Variants in ETV6 observed in about 807,000 individuals in gnomAD.
The protein encoded by ETV6 is transcription factor ETV6.
Under a neutral mutation model 51.1 loss-of-function variants are expected in ETV6, and 16 were observed. The observed-to-expected ratio is 0.31, with a 90% confidence interval of 0.21 to 0.48. The LOEUF (loss-of-function observed/expected upper bound fraction) is 0.48. Ranked by LOEUF, ETV6 falls within the 20% of genes least tolerant of loss-of-function variation. The pLI is 0.99. For synonymous variants in ETV6, 240 were observed against 224.1 expected, an observed-to-expected ratio of 1.07 and a Z score of -0.64; for missense variants, 458 against 594.8, an observed-to-expected ratio of 0.77 and a Z score of 2.39.
chr12:11,700,022 G>C (rs190139555), intron 1 of ETV6, among the ~76,000 whole-genome samples: 1 of 152,104 alleles, frequency 6.6e-6, no homozygotes, highest in Non-Finnish European at 1.5e-5. Context: ...GTAGTTATTT[G>C]TGTATCTGTG....
intron 1 of ETV6, among the ~76,000 whole-genome samples, chr12:11,672,582 C>A (rs556202432): frequency 1.3e-5 from 2 of 152,284 alleles, no homozygotes; most frequent in African/African-American, 2.4e-5. Flanking sequence ...ACAAAGCTTG[C>A]GTATAATATA....
At chr12:11,664,681 A>G (rs1272216386) in intron 1 of ETV6, among the ~76,000 whole-genome samples, 4 of 152,148 alleles carry the variant, frequency 2.6e-5, no homozygotes, top group Non-Finnish European at 5.9e-5. Context: ...TCTTACTGCT[A>G]CTGGAATGGA....
chr12:11,880,938 T>C (rs1947081615), intron 5 of ETV6, among the ~76,000 whole-genome samples: 1 of 151,996 alleles, frequency 6.6e-6, no homozygotes, highest in African/African-American at 2.4e-5. Context: ...TACTGGCTTC[T>C]TTTCCCCCTA....
chr12:11,779,546 T>C (rs1056521163), intron 2 of ETV6, among the ~76,000 whole-genome samples: 2 of 152,228 alleles, frequency 1.3e-5, no homozygotes, highest in Admixed American at 1.3e-4. Flanking sequence ...AAGACAGAAA[T>C]ATTTCCAGGA....
At chr12:11,662,505 G>A (rs1260352665) in intron 1 of ETV6, among the ~76,000 whole-genome samples, 2 of 152,226 alleles carry the variant, frequency 1.3e-5, no homozygotes, top group East Asian at 1.9e-4. Context: ...TAGCCATCAT[G>A]TTGAACAGTC....
chr12:11,669,288 G>T (rs1386556589), intron 1 of ETV6, among the ~76,000 whole-genome samples: 1 of 151,882 alleles, frequency 6.6e-6, no homozygotes. Context: ...ACTGTGGGAG[G>T]AGGGGGAAGG....
At chr12:11,741,860 G>C (rs142471813) in intron 1 of ETV6, among the ~76,000 whole-genome samples, 1 of 152,128 alleles carries the variant, frequency 6.6e-6, no homozygotes, top group Non-Finnish European at 1.5e-5. Flanking sequence ...ACAGTGATTC[G>C]CAACTTTAGC....
intron 1 of ETV6, among the ~76,000 whole-genome samples, chr12:11,679,729 A>G (rs1232910133): frequency 6.6e-6 from 1 of 152,186 alleles, no homozygotes; most frequent in Non-Finnish European, 1.5e-5. Flanking sequence ...GTAACATTTG[A>G]TGATTTGTGT....
At chr12:11,731,326 TGC>T (rs372135768) in intron 1 of ETV6, among the ~76,000 whole-genome samples, 1 of 152,198 alleles carries the variant, frequency 6.6e-6, no homozygotes, top group African/African-American at 2.4e-5. Context: ...AGTAAGTCAG[TGC>T]TACTTAAGTG....
chr12:11,858,403 TA>T (rs202096517), intron 4 of ETV6, among the ~76,000 whole-genome samples: 87 of 150,446 alleles, frequency 5.8e-4, no homozygotes, highest in African/African-American at 1.7e-3. Flanking sequence ...TATATATATA[TA>T]TTTTTTTTTA....
At chr12:11,881,238 C>A (rs1323935359) in intron 5 of ETV6, among the ~76,000 whole-genome samples, 1 of 152,164 alleles carries the variant, frequency 6.6e-6, no homozygotes, top group Admixed American at 6.5e-5. Flanking sequence ...GCCACCACAC[C>A]CAACCCTAAT....
chr12:11,853,173 C>T (rs772604757), intron 3 of ETV6, among the ~76,000 whole-genome samples: 8 of 152,150 alleles, frequency 5.3e-5, no homozygotes, highest in Non-Finnish European at 1.2e-4. Flanking sequence ...GGCAACGGAG[C>T]GCAACCCTGT....
At chr12:11,659,648 A>G (rs574391243) in intron 1 of ETV6, among the ~76,000 whole-genome samples, 5 of 152,220 alleles carry the variant, frequency 3.3e-5, no homozygotes, top group Non-Finnish European at 7.3e-5. Flanking sequence ...GATGACATGC[A>G]GACTCTAAAG....
At chr12:11,684,228 A>G (rs908706836) in intron 1 of ETV6, among the ~76,000 whole-genome samples, 14 of 152,278 alleles carry the variant, frequency 9.2e-5, no homozygotes, top group African/African-American at 3.1e-4. Flanking sequence ...AAAGTGGCAG[A>G]TAAATCTTAG....
chr12:11,692,391 A>G (rs1430224638), intron 1 of ETV6, among the ~76,000 whole-genome samples: 1 of 152,062 alleles, frequency 6.6e-6, no homozygotes, highest in African/African-American at 2.4e-5. Flanking sequence ...TTTGTAAATT[A>G]CCTAGTTTTA....
intron 2 of ETV6, among the ~76,000 whole-genome samples, chr12:11,836,075 T>C (rs2136459094): frequency 6.6e-6 from 1 of 152,204 alleles, no homozygotes; most frequent in East Asian, 1.9e-4. Context: ...ATTAAGTAAA[T>C]TAAATCAGCC....
chr12:11,773,192 C>CA (rs1221154358), intron 2 of ETV6, among the ~76,000 whole-genome samples: 1,912 of 79,178 alleles, frequency 0.024, 54 homozygotes, highest in African/African-American at 0.083. Context: ...GACTCCATCT[C>CA]AAAAAAAAAA....
chr12:11,827,484 T>A, intron 2 of ETV6, among the ~76,000 whole-genome samples: 1 of 152,310 alleles, frequency 6.6e-6, no homozygotes, highest in South Asian at 2.1e-4. Context: ...GTGTATTTTC[T>A]GAGGTCTGTT....
At chr12:11,783,265 A>C (rs1214596180) in intron 2 of ETV6, among the ~76,000 whole-genome samples, 1 of 152,106 alleles carries the variant, frequency 6.6e-6, no homozygotes, top group Non-Finnish European at 1.5e-5. Context: ...AGATCAAGGA[A>C]GGAGAATTTC....
Sources: gnomAD v4.1 joint callset for allele counts (sites outside exome capture counted in the v4.1 genomes callset) on GRCh38, gnomAD v4.1.1 for gene constraint, MANE v1.5 for transcripts, NCBI Gene and HGNC (gene_info 2026-07-23, HGNC 2026-07-21) for gene names.